TSPEAR: variants seen among roughly 807,000 people sequenced by gnomAD.
TSPEAR encodes the protein thrombospondin type laminin G domain and EAR repeats, also known as thrombospondin-type laminin G domain and EAR repeat-containing protein.
A neutral mutation model predicts 71.6 loss-of-function variants in TSPEAR; 69 were observed. The ratio of observed to expected loss-of-function variants is 0.96; its 90% CI spans 0.79 to 1.18. The LOEUF is 1.18. Among genes scored for constraint, TSPEAR ranks in the 50% most tolerant of loss-of-function variants. The probability of loss-of-function intolerance (pLI) is 0.00; values close to 1 mark genes in which losing one functional copy is unlikely to be tolerated. For missense variants in TSPEAR, 971 were observed against 894.9 expected (o/e 1.09, Z -1.09); for synonymous variants, 402 against 387.2 (o/e 1.04, Z -0.45).
At chr21:44,549,514 C>CA (rs1292850155) in intron 2 of TSPEAR, among the ~76,000 whole-genome samples, 44 of 151,980 alleles carry the variant, frequency 2.9e-4, no homozygotes, top group African/African-American at 8.4e-4. Context: ...TCAACCCGGA[C>CA]AAAAAAAAGA....
At chr21:44,698,369 C>T (rs114456184) in intron 1 of TSPEAR, among the ~76,000 whole-genome samples, 2,216 of 152,312 alleles carry the variant, frequency 0.015, 68 homozygotes, top group African/African-American at 0.051. Context: ...CTGGGGCCCT[C>T]GCGCCCAGTC....
intron 2 of TSPEAR, chr21:44,558,683 G>C: frequency 6.2e-7 from 1 of 1,612,298 alleles, no homozygotes; most frequent in East Asian, 2.2e-5. Context: ...CAGAGTAAGC[G>C]CTGGAGCAGA....
intron 11 of TSPEAR, among the ~76,000 whole-genome samples, chr21:44,502,443 G>T (rs2052051410): frequency 6.6e-6 from 1 of 152,186 alleles, no homozygotes; most frequent in Admixed American, 6.5e-5. Context: ...TAGGGGGCGA[G>T]AAAATGATTG....
intron 2 of TSPEAR, among the ~76,000 whole-genome samples, chr21:44,554,804 T>G (rs1261881734): frequency 6.6e-6 from 1 of 152,232 alleles, no homozygotes; most frequent in African/African-American, 2.4e-5. Context: ...TGTTATAATA[T>G]TTAGGATTGT....
intron 1 of TSPEAR, chr21:44,682,198 ACCTGGAC>A (rs1555948184): frequency 6.5e-7 from 1 of 1,536,756 alleles, no homozygotes; most frequent in Non-Finnish European, 8.8e-7. Flanking sequence ...TAGCCTTTAT[ACCTGGAC>A]CCAGGCATCC....
intron 2 of TSPEAR, chr21:44,551,135 C>G (rs478947): frequency 0.2 from 328,652 of 1,608,052 alleles, 32,568 homozygotes; most frequent in East Asian, 0.4. Context: ...GCACACAGCA[C>G]ACAGGCTTGC....
intron 1 of TSPEAR, chr21:44,638,136 G>A (rs147211981): frequency 5.5e-5 from 88 of 1,612,808 alleles, no homozygotes; most frequent in Non-Finnish European, 5.7e-5. Flanking sequence ...CGCCCTGCCT[G>A]CTACAGCCTC....
In TSPEAR at chr21:44,623,768, A is replaced by T. The variant is rs1982598335; in HGVS notation, c.83-55763T>A. On this transcript the variant is annotated intron_variant, in intron 1 of 11. Transcript: ENST00000323084. The surrounding 1 kb of genome is among the most constrained non-coding windows in gnomAD (Gnocchi z 4.5). ...CCTCTGGCTGCCATCATTTCTACTGAGAAGTCATCTGTAAATGCTATTGTT... is the reference window on the plus strand; with the variant it reads ...CCTCTGGCTGCCATCATTTCTACTGTGAAGTCATCTGTAAATGCTATTGTT... Among the ~76,000 whole-genome samples, 1 of 152,160 alleles carries T rather than the reference A, an allele frequency of 6.6e-6. No homozygotes were observed.
chr21:44,646,121 T>A (rs1321230323), intron 1 of TSPEAR, among the ~76,000 whole-genome samples: 3 of 20,700 alleles, frequency 1.4e-4, no homozygotes, highest in Non-Finnish European at 2.3e-4. Flanking sequence ...CAAGACTCCC[T>A]CTCAAAAAAA....
At chr21:44,528,661 A>G (rs1160687377) in intron 5 of TSPEAR, 78 bp from the exon 6 acceptor site, 1 of 1,560,484 alleles carries the variant, frequency 6.4e-7, no homozygotes, top group Non-Finnish European at 8.7e-7. Flanking sequence ...GAGGCCCCCA[A>G]ACCAGGCTGC....
chr21:44,597,739 T>C (rs1446492546), intron 1 of TSPEAR, among the ~76,000 whole-genome samples: 1 of 152,118 alleles, frequency 6.6e-6, no homozygotes, highest in Non-Finnish European at 1.5e-5. Flanking sequence ...GCCTCTATGC[T>C]CTTGTATTCA....
rs1490079404 is a variant in TSPEAR, at chr21:44,591,809, G to T, written c.83-23804C>A. The T allele has an allele frequency of 6.3e-7, 1 of 1,598,198 alleles. No individual in the cohort carries two copies. Among genetic ancestry groups the T allele is most frequent in the Non-Finnish European group, 8.5e-7 (1 of 1,174,862 alleles). On this transcript the variant is annotated intron_variant, in intron 1 of 11. Transcript: ENST00000323084. The stretch of plus-strand genomic sequence containing the variant: ...CAGCAGACGGGCACGCAGCAGGCCT[G>T]CTGGCAGGGGGAGGAGGTGCAGCAA...
At chr21:44,527,639 C>T (rs1555915143) in intron 6 of TSPEAR, 121 bp from the exon 7 acceptor site, 11 of 906,956 alleles carry the variant, frequency 1.2e-5, no homozygotes, top group East Asian at 2.6e-5. Context: ...GCCTCAGCCT[C>T]GGGCATCAGT....
At chr21:44,558,275 G>A (rs2053572513) in intron 2 of TSPEAR, 3 of 1,614,004 alleles carry the variant, frequency 1.9e-6, no homozygotes, top group Non-Finnish European at 2.5e-6. Context: ...AGGAGGTGGT[G>A]CAGCAAGCCG....
intron 1 of TSPEAR, among the ~76,000 whole-genome samples, chr21:44,615,161 T>C (rs149111303): frequency 1.3e-5 from 2 of 152,346 alleles, no homozygotes; most frequent in African/African-American, 4.8e-5. Flanking sequence ...CCGGCGCATG[T>C]ACGTAAGCGG....
chr21:44,566,005 C>A (rs755725434), intron 2 of TSPEAR, among the ~76,000 whole-genome samples: 3 of 152,166 alleles, frequency 2.0e-5, no homozygotes, highest in African/African-American at 7.2e-5. Context: ...CATGGCGAAA[C>A]CCTGTCTCTA....
At chr21:44,514,630 G>A (rs1013855988) in intron 9 of TSPEAR, among the ~76,000 whole-genome samples, 3 of 152,178 alleles carry the variant, frequency 2.0e-5, no homozygotes, top group Non-Finnish European at 2.9e-5. Context: ...TTTGGTGACC[G>A]CGACTGCACG....
chr21:44,659,523 G>C (rs1373521303), intron 1 of TSPEAR, among the ~76,000 whole-genome samples: 6 of 152,168 alleles, frequency 3.9e-5, no homozygotes, highest in Non-Finnish European at 8.8e-5. Context: ...TTTCCAGAAG[G>C]AACTGATGAT....
chr21:44,591,657 A>G (rs1555926588), intron 1 of TSPEAR: 12 of 1,612,720 alleles, frequency 7.4e-6, no homozygotes, highest in Non-Finnish European at 1.0e-5. Flanking sequence ...TGGAAGCCCC[A>G]GAGCAGACGG....
Sources: allele counts gnomAD v4.1 joint callset (sites outside exome capture counted in the v4.1 genomes callset), GRCh38; gene constraint gnomAD v4.1.1; non-coding constraint Gnocchi (gnomAD v3.1); transcripts MANE v1.5; gene names NCBI Gene and HGNC (gene_info 2026-07-23, HGNC 2026-07-21).